Variants in SMCO2 observed in about 807,000 individuals in gnomAD.
SMCO2 encodes single-pass membrane and coiled-coil domain-containing protein 2.
Under a neutral mutation model 29.5 loss-of-function variants are expected in SMCO2, and 25 were observed. That is an observed-to-expected ratio of 0.85 (90% confidence interval 0.62 to 1.18). The LOEUF is 1.18. Ranked by LOEUF, SMCO2 falls within the 50% of genes most tolerant of loss-of-function variation. The pLI is 0.00. For synonymous variants in SMCO2, 117 were observed against 123.3 expected (o/e 0.95, Z 0.34); for missense variants, 348 against 344.5 (o/e 1.01, Z -0.08).
At chr12:27,485,255 A>G (rs1219359842) in intron 4 of SMCO2, among the ~76,000 whole-genome samples, 2 of 151,666 alleles carry the variant, frequency 1.3e-5, no homozygotes, top group African/African-American at 4.8e-5. Context: ...TGTATTTTTC[A>G]TCTCAGACAC....
upstream of SMCO2, among the ~76,000 whole-genome samples, chr12:27,463,851 A>G (rs1277936761): frequency 1.3e-5 from 2 of 152,246 alleles, no homozygotes; most frequent in Non-Finnish European, 1.5e-5. Context: ...AAAAAGAAGG[A>G]GAGAGATAAG....
the SMCO2 span, among the ~76,000 whole-genome samples, chr12:27,441,513 GTCAAT>G: frequency 2.0e-5 from 3 of 152,122 alleles, no homozygotes; most frequent in African/African-American, 7.2e-5. Flanking sequence ...TGATAAAGGG[GTCAAT>G]TCAGGAAGAG....
At chr12:27,489,105 G>A (rs1268137916) in intron 5 of SMCO2, among the ~76,000 whole-genome samples, 2 of 151,736 alleles carry the variant, frequency 1.3e-5, no homozygotes, top group African/African-American at 4.8e-5. Flanking sequence ...CTGGAGTGCC[G>A]TGGCATGATC....
At chr12:27,495,840 C>G (rs1313698432) in exon 7 of SMCO2, 1 of 1,513,270 alleles carries the variant, frequency 6.6e-7, no homozygotes, top group Non-Finnish European at 8.9e-7. Context: ...AAGTCTCCTC[C>G]CCGCAATACA....
exon 8 of SMCO2, chr12:27,501,928 G>T (rs1263430859): frequency 6.5e-7 from 1 of 1,535,368 alleles, no homozygotes; most frequent in Admixed American, 2.0e-5. Flanking sequence ...TGTAGGAAAC[G>T]TGCACTGAGG....
In SMCO2 at chr12:27,475,022, T is replaced by C. The variant is rs1949573072; in HGVS notation, c.362+109T>C. 15 of 1,336,742 alleles carry C rather than the reference T, an allele frequency of 1.1e-5. No individual in the cohort carries two copies. In the South Asian group the frequency reaches 1.7e-4, roughly 16 times the overall value. 82.8% of individuals were successfully genotyped at this position (1,336,742 alleles called of 1,614,324 possible). On this transcript the variant is annotated intron_variant, in intron 4 of 7. Transcript: ENST00000298876. ...CTGGAAGATTTAAAATCCATACATG[T>C]CTTGAACCATAAAGCAGTCCTGTGC...
At chr12:27,441,753 C>A in the SMCO2 span, among the ~76,000 whole-genome samples, 1 of 152,190 alleles carries the variant, frequency 6.6e-6, no homozygotes, top group Non-Finnish European at 1.5e-5. Context: ...GAAGATTTTA[C>A]CCCACTGCTG....
intron 3 of SMCO2, 157 bp downstream of exon 3, chr12:27,473,032 G>A (rs532253493): frequency 3.4e-6 from 2 of 596,918 alleles, no homozygotes; most frequent in South Asian, 2.1e-5. Flanking sequence ...AGGGAGGCAG[G>A]GAATATGGCA....
At chr12:27,439,480 C>T in the SMCO2 span, among the ~76,000 whole-genome samples, 1 of 152,124 alleles carries the variant, frequency 6.6e-6, no homozygotes, top group Non-Finnish European at 1.5e-5. Context: ...ACCATCACCT[C>T]GCCAAAAAGA....
chr12:27,476,865 A>G (rs1285956067), intron 4 of SMCO2, among the ~76,000 whole-genome samples: 1 of 152,096 alleles, frequency 6.6e-6, no homozygotes, highest in African/African-American at 2.4e-5. Flanking sequence ...ATTATTGATA[A>G]GTAAGGACTT....
At chr12:27,486,806 A>G (rs992686609) in intron 4 of SMCO2, among the ~76,000 whole-genome samples, 3 of 152,262 alleles carry the variant, frequency 2.0e-5, no homozygotes, top group African/African-American at 7.2e-5. Context: ...AGAGACCTGT[A>G]GACCAAAAAC....
At chr12:27,446,869 T>C in the SMCO2 span, among the ~76,000 whole-genome samples, 5 of 152,106 alleles carry the variant, frequency 3.3e-5, no homozygotes, top group African/African-American at 1.2e-4. Flanking sequence ...TCTAACAAGT[T>C]CCCTGATGCT....
At chr12:27,495,817 C>A in exon 7 of SMCO2, 1 of 1,531,268 alleles carries the variant, frequency 6.5e-7, no homozygotes, top group Non-Finnish European at 8.8e-7. Flanking sequence ...CCCCAGCATC[C>A]TTTTTAGTGC....
chr12:27,437,942 A>C, the SMCO2 span, among the ~76,000 whole-genome samples: 1 of 152,044 alleles, frequency 6.6e-6, no homozygotes, highest in Non-Finnish European at 1.5e-5. Flanking sequence ...TCACAAACAC[A>C]ATCATCCTTA....
At chr12:27,452,851 G>C in the SMCO2 span, among the ~76,000 whole-genome samples, 1 of 152,156 alleles carries the variant, frequency 6.6e-6, no homozygotes, top group Non-Finnish European at 1.5e-5. Context: ...TTGCTGGATT[G>C]TATGGTGGTT....
At position 27,488,512 on chromosome 12, in the gene SMCO2, C is replaced by T. The variant is rs148846851; in HGVS notation, c.415C>T (p.Arg139Trp). The change falls in exon 5 of 8, where the codon CGG (arginine) becomes TGG (tryptophan). Residue 139 changes from arginine to tryptophan, a missense_variant. Physicochemically the swap from Arg to Trp is moderately radical, Grantham distance 101. Transcript: ENST00000298876. ...GGGTCAAATTGAAAAGCTGGAGGAC[C>T]GGGGCCTTGACCTTGATCAAGGGAC... 2.8e-3 allele frequency: 4,322 copies of T among 1,538,666 alleles called. 14 individuals are homozygous for T. The highest frequency in any genetic ancestry group is 3.6e-3 in the Non-Finnish European group (4,097 of 1,141,086).
chr12:27,449,734 CT>C, the SMCO2 span, among the ~76,000 whole-genome samples: 1 of 152,244 alleles, frequency 6.6e-6, no homozygotes, highest in Non-Finnish European at 1.5e-5. Flanking sequence ...CCACTCCCCT[CT>C]TGGTACATTG....
chr12:27,492,539 CA>C (rs1256143828), intron 5 of SMCO2, among the ~76,000 whole-genome samples: 1 of 152,108 alleles, frequency 6.6e-6, no homozygotes, highest in African/African-American at 2.4e-5. Context: ...CTCTACTTTT[CA>C]AAAGAAGACA....
intron 4 of SMCO2, among the ~76,000 whole-genome samples, chr12:27,480,531 A>C (rs1414321239): frequency 1.3e-5 from 2 of 152,114 alleles, no homozygotes; most frequent in Non-Finnish European, 2.9e-5. Flanking sequence ...GTCCCCACCC[A>C]ATCTCATTTT....
Sources: allele counts gnomAD v4.1 joint callset (sites outside exome capture counted in the v4.1 genomes callset), GRCh38; gene constraint gnomAD v4.1.1; transcripts MANE v1.5; gene names NCBI Gene and HGNC (gene_info 2026-07-23, HGNC 2026-07-21).